The following ELMOD2 variants were observed in gnomAD, a reference collection of about 807,000 sequenced individuals.
ELMOD2 encodes the protein ELMO domain-containing protein 2.
ELMOD2 carries 28 observed loss-of-function variants against 41.0 expected under a neutral mutation model. The observed-to-expected ratio is 0.68, with a 90% confidence interval of 0.51 to 0.94. The LOEUF (loss-of-function observed/expected upper bound fraction) is 0.94. Among genes scored for constraint, ELMOD2 ranks in the 40% least tolerant of loss-of-function variants. The probability of loss-of-function intolerance (pLI) is 0.00; values close to 1 mark genes in which losing one functional copy is unlikely to be tolerated. For missense variants in ELMOD2, 333 were observed against 343.1 expected, an observed-to-expected ratio of 0.97 and a Z score of 0.23; for synonymous variants, 106 against 107.2, an observed-to-expected ratio of 0.99 and a Z score of 0.07.
chr4:140,530,777 A>T (rs1246071637), intron 3 of ELMOD2, among the ~76,000 whole-genome samples: 1 of 152,092 alleles, frequency 6.6e-6, no homozygotes, highest in African/African-American at 2.4e-5. Context: ...TTATGTGTGT[A>T]TTGCACCTAA....
chr4:140,542,425 G>A (rs1157160994), intron 6 of ELMOD2, 149 bp from the exon 7 acceptor site: 1 of 552,448 alleles, frequency 1.8e-6, no homozygotes, highest in African/African-American at 1.9e-5. Context: ...AGAAGCATTT[G>A]TGAATCACTG....
chr4:140,544,517 G>A (rs886160009), intron 8 of ELMOD2, among the ~76,000 whole-genome samples: 11 of 151,972 alleles, frequency 7.2e-5, no homozygotes, highest in African/African-American at 2.7e-4. Flanking sequence ...CACATTGAAA[G>A]TATAGTTATT....
At chr4:140,528,225 C>T (rs948107467) in intron 3 of ELMOD2, among the ~76,000 whole-genome samples, 5 of 152,240 alleles carry the variant, frequency 3.3e-5, no homozygotes, top group Admixed American at 1.3e-4. Flanking sequence ...ATATGCCCAC[C>T]GTAAGGCTAT....
chr4:140,550,442 G>C lies in ELMOD2; in HGVS notation c.*67G>C. ...TCAACAGAATTTATATGTTGTAATAGGAATTATCTGATCAATTACACTCTT... is the reference window on the plus strand; with the variant it reads ...TCAACAGAATTTATATGTTGTAATACGAATTATCTGATCAATTACACTCTT... On this transcript the variant is annotated 3_prime_UTR_variant, in exon 9 of 9. Coordinates refer to ENST00000323570, the MANE Select transcript of ELMOD2 (RefSeq NM_153702.4). 4 of 1,422,242 alleles carry C rather than the reference G, an allele frequency of 2.8e-6. No individual in the cohort carries two copies. The highest frequency in any genetic ancestry group is 3.8e-6 in the Non-Finnish European group (4 of 1,054,030). 88.1% of individuals were successfully genotyped at this position (1,422,242 alleles called of 1,614,324 possible).
intron 5 of ELMOD2, among the ~76,000 whole-genome samples, chr4:140,538,919 T>A (rs79154543): frequency 6.6e-6 from 1 of 152,138 alleles, no homozygotes; most frequent in Non-Finnish European, 1.5e-5. Context: ...TACTAGTGGT[T>A]CTACACTGTG....
Position 140,553,247 on chromosome 4 carries a change from A to G in ELMOD2, c.*2872A>G, listed in dbSNP as rs1735513933. 6.6e-6 allele frequency: 1 copy of G among 152,154 alleles called. No individual in the cohort carries two copies. The highest frequency in any genetic ancestry group is 6.5e-5 in the Admixed American group (1 of 15,268). 9.4% of individuals were successfully genotyped at this position (152,154 alleles called of 1,614,324 possible). ...TCGTAGCCAGAACAGAAAAGGTTAC[A>G]CATGATCATGGCACAGAAGATAGGA... On this transcript the variant is annotated 3_prime_UTR_variant, in exon 9 of 9. Transcript: ENST00000323570.
Position 140,551,590 on chromosome 4 carries a change from A to G in ELMOD2, c.*1215A>G, listed in dbSNP as rs1442820542. ...TTTACACATTTGTACTGATAGCAAAACTAAAGTTTAAAGCAGCAAAGTTTA... is the reference window on the plus strand; with the variant it reads ...TTTACACATTTGTACTGATAGCAAAGCTAAAGTTTAAAGCAGCAAAGTTTA... On this transcript the variant is annotated 3_prime_UTR_variant, in exon 9 of 9. Transcript: ENST00000323570. 1 of 152,136 alleles carries G rather than the reference A, an allele frequency of 6.6e-6. No homozygotes were observed. Among genetic ancestry groups the G allele is most frequent in the Non-Finnish European group, 1.5e-5 (1 of 67,974 alleles). The allele number at this position is 152,136 out of a possible 1,614,324, so 9.4% of individuals were successfully genotyped here.
At chr4:140,525,324 TA>T (rs1734522804) in intron 1 of ELMOD2, 95 bp from the exon 2 acceptor site, 3 of 1,271,968 alleles carry the variant, frequency 2.4e-6, no homozygotes, top group Non-Finnish European at 1.1e-6. Context: ...AAATGATAGA[TA>T]CATAATTTGA....
intron 4 of ELMOD2, among the ~76,000 whole-genome samples, chr4:140,536,380 T>G (rs979359420): frequency 3.3e-5 from 5 of 152,012 alleles, no homozygotes; most frequent in Admixed American, 6.6e-5. Context: ...ATTTTCTATG[T>G]GAATATAGAG....
chr4:140,542,522 C>G, intron 6 of ELMOD2, 52 bp from the exon 7 acceptor site: 2 of 1,380,376 alleles, frequency 1.4e-6, no homozygotes, highest in Non-Finnish European at 2.0e-6. Context: ...TTCTGGATAT[C>G]TTACATTTGA....
chr4:140,535,132 T>TC, intron 3 of ELMOD2, among the ~76,000 whole-genome samples: 2 of 83,870 alleles, frequency 2.4e-5, no homozygotes, highest in Non-Finnish European at 4.8e-5. Flanking sequence ...GGGAAATCTG[T>TC]TTCTTTCTCT....
chr4:140,543,567 A>G lies in ELMOD2; in HGVS notation c.717A>G (p.Glu239=). 6.3e-7 allele frequency: 1 copy of G among 1,596,744 alleles called. No individual in the cohort carries two copies. Among genetic ancestry groups the G allele is most frequent in the Non-Finnish European group, 8.5e-7 (1 of 1,175,438 alleles). Residue 239 remains glutamate (E), a synonymous_variant, in exon 8 of 9, where the codon GAA becomes GAG. Transcript: ENST00000323570. The part of the protein sequence containing the change: ...YNLVPGIPTM[E]HFHQFYCYLV... ...TTGTTCCTGGTATACCAACAATGGAACACTTTCATCAGTTTTACTGTGAGT... is the reference window on the plus strand; with the variant it reads ...TTGTTCCTGGTATACCAACAATGGAGCACTTTCATCAGTTTTACTGTGAGT...
chr4:140,534,361 T>C (rs867952969), intron 3 of ELMOD2, among the ~76,000 whole-genome samples: 2 of 152,128 alleles, frequency 1.3e-5, no homozygotes, highest in South Asian at 4.1e-4. Flanking sequence ...GCTATGGTGG[T>C]AGAAATCAGA....
intron 5 of ELMOD2, among the ~76,000 whole-genome samples, chr4:140,538,125 T>C (rs1734990283): frequency 6.6e-6 from 1 of 152,206 alleles, no homozygotes; most frequent in African/African-American, 2.4e-5. Flanking sequence ...GGTGCCAAAA[T>C]TAAAGAGTAA....
chr4:140,550,059 G>A (rs540106616), intron 8 of ELMOD2, among the ~76,000 whole-genome samples, 171 bp from the exon 9 acceptor site: 4 of 152,054 alleles, frequency 2.6e-5, no homozygotes, highest in African/African-American at 7.2e-5. Flanking sequence ...ACACTAAATC[G>A]TTTATTAAGT....
rs1476143316 is a variant in ELMOD2 at position 140,553,165 on chromosome 4, A to G, written c.*2790A>G. On this transcript the variant is annotated 3_prime_UTR_variant, in exon 9 of 9. Coordinates refer to ENST00000323570, the MANE Select transcript of ELMOD2 (RefSeq NM_153702.4). ...CTTTGAGAACATTCAGTGAAATACA[A>G]CTTCATCAAAGATTTGCTCAAAGGA... The G allele has an allele frequency of 2.0e-5, 3 of 152,164 alleles. No homozygotes were observed. Among genetic ancestry groups the G allele is most frequent in the Non-Finnish European group, 4.4e-5 (3 of 67,994 alleles). 9.4% of individuals were successfully genotyped at this position (152,164 alleles called of 1,614,324 possible). A position where few individuals can be genotyped will look rare whatever the true frequency, so the allele number is the denominator to read the frequency against.
chr4:140,543,344 C>T (rs1439191947), intron 7 of ELMOD2, 109 bp from the exon 8 acceptor site: 1 of 1,183,844 alleles, frequency 8.4e-7, no homozygotes, highest in African/African-American at 1.6e-5. Flanking sequence ...ATCATAAAAT[C>T]AATACTGTGT....
At chr4:140,531,283 T>G (rs1394320620) in intron 3 of ELMOD2, among the ~76,000 whole-genome samples, 1 of 152,198 alleles carries the variant, frequency 6.6e-6, no homozygotes, top group East Asian at 1.9e-4. Flanking sequence ...CTTTCTTTGT[T>G]AAAAATTGAA....
At chr4:140,532,674 A>G (rs1434163705) in intron 3 of ELMOD2, among the ~76,000 whole-genome samples, 2 of 152,228 alleles carry the variant, frequency 1.3e-5, no homozygotes, top group Non-Finnish European at 2.9e-5. Flanking sequence ...ATGATACATA[A>G]CACTGAATTA....
Sources: allele counts gnomAD v4.1 joint callset (sites outside exome capture counted in the v4.1 genomes callset), GRCh38; gene constraint gnomAD v4.1.1; transcripts MANE v1.5; gene names NCBI Gene and HGNC (gene_info 2026-07-23, HGNC 2026-07-21).